The following OOSP1 variants were observed in gnomAD, a reference collection of about 807,000 sequenced individuals.
OOSP1 encodes putative oocyte-secreted protein 1 homolog.
Under a neutral mutation model 5.7 loss-of-function variants are expected in OOSP1, and 11 were observed. The ratio of observed to expected loss-of-function variants is 1.94; its 90% CI spans 1.22 to 3.20. The LOEUF (loss-of-function observed/expected upper bound fraction) is 3.20, where lower values mean the gene tolerates loss of function less well. Ranked by LOEUF, OOSP1 falls within the 30% of genes most tolerant of loss-of-function variation. The probability of loss-of-function intolerance (pLI) is 0.00; values close to 1 mark genes in which losing one functional copy is unlikely to be tolerated. For missense variants in OOSP1, 83 were observed against 54.1 expected (o/e 1.53, Z -1.67); for synonymous variants, 44 against 20.0 (o/e 2.20, Z -3.20).
chr11:59,956,278 C>A (rs144883820), intron 4 of OOSP1, among the ~76,000 whole-genome samples: 1 of 151,938 alleles, frequency 6.6e-6, no homozygotes, highest in East Asian at 1.9e-4. Flanking sequence ...AGCATGATAG[C>A]AATAGCAGTT....
At chr11:59,938,892 G>A (rs757767651) in intron 1 of OOSP1, among the ~76,000 whole-genome samples, 3 of 152,196 alleles carry the variant, frequency 2.0e-5, no homozygotes, top group Non-Finnish European at 2.9e-5. Flanking sequence ...ACTCTGTGGT[G>A]TGTCACATAC....
intron 4 of OOSP1, among the ~76,000 whole-genome samples, chr11:59,950,401 A>G (rs533870908): frequency 2.6e-5 from 4 of 152,356 alleles, no homozygotes; most frequent in African/African-American, 9.6e-5. Context: ...GTAAGATTGC[A>G]TGAGTTCAAA....
At chr11:59,957,147 CTGTAA>C (rs1854001081) in intron 4 of OOSP1, 43 bp from the exon 5 acceptor site, 1 of 396,550 alleles carries the variant, frequency 2.5e-6, no homozygotes, top group African/African-American at 2.1e-5. Context: ...AAAAATTTAA[CTGTAA>C]TGTAATTGAT....
intron 3 of OOSP1, among the ~76,000 whole-genome samples, chr11:59,946,967 CT>C (rs1313973915): frequency 6.8e-6 from 1 of 146,548 alleles, no homozygotes; most frequent in African/African-American, 2.5e-5. Flanking sequence ...ATCTATCTAT[CT>C]GTCTATCTAC....
At chr11:59,947,838 C>A in exon 4 of OOSP1, 1 of 398,842 alleles carries the variant, frequency 2.5e-6, no homozygotes, top group Non-Finnish European at 4.4e-6. Context: ...AAGACATGGG[C>A]AGTAACTTCT....
At chr11:59,938,481 G>A in exon 1 of OOSP1, 1 of 627,878 alleles carries the variant, frequency 1.6e-6, no homozygotes, top group Non-Finnish European at 2.9e-6. Context: ...GGTTCAAAGG[G>A]CTCTTTTATC....
chr11:59,948,583 C>T lies in OOSP1; in HGVS notation c.486+721C>T, dbSNP rs535171674. ...CTTCTCCTCCCTTACCTCCCACTTA[C>T]ACCTTCTCCTTCATTTCCATACATA... On this transcript the variant is annotated intron_variant, in intron 4 of 4. Coordinates refer to ENST00000646685, the Ensembl canonical transcript of OOSP1. 2.2e-4 allele frequency: 85 copies of T among 393,108 alleles called. 1 individual carries two copies. The South Asian group carries it at 0.011, about 50-fold the overall frequency. The allele number at this position is 393,108 out of a possible 1,614,324, so 24.4% of individuals were successfully genotyped here.
intron 4 of OOSP1, among the ~76,000 whole-genome samples, chr11:59,952,733 ACTAT>A (rs1482875550): frequency 6.6e-6 from 1 of 152,126 alleles, no homozygotes; most frequent in Non-Finnish European, 1.5e-5. Flanking sequence ...AGAATTCACC[ACTAT>A]CTAATTCATC....
Position 59,944,365 on chromosome 11 carries a change from G to A in OOSP1, c.259-804G>A, listed in dbSNP as rs572147567. On this transcript the variant is annotated intron_variant, in intron 2 of 4. Coordinates refer to ENST00000646685, the Ensembl canonical transcript of OOSP1. ...CAACCTTGATATAAACTGCGGGGGG[G>A]GGGCAGGGAATATTCAAATGTTAAC... Among the ~76,000 whole-genome samples, 998 of 142,954 alleles carry A rather than the reference G, an allele frequency of 7.0e-3. 16 individuals are homozygous for A. The highest frequency in any genetic ancestry group is 0.024 in the African/African-American group (928 of 39,282). The allele number at this position is 142,954 out of a possible 152,430, so 93.8% of individuals were successfully genotyped here. A position where few individuals can be genotyped will look rare whatever the true frequency, so the allele number is the denominator to read the frequency against.
At chr11:59,949,806 C>A (rs565646302) in intron 4 of OOSP1, among the ~76,000 whole-genome samples, 9 of 152,242 alleles carry the variant, frequency 5.9e-5, no homozygotes, top group Middle Eastern at 6.8e-3. Flanking sequence ...CAAGAGGAAG[C>A]AGCGACTGAA....
At chr11:59,939,940 A>G (rs1198859471) in intron 1 of OOSP1, among the ~76,000 whole-genome samples, 1 of 152,066 alleles carries the variant, frequency 6.6e-6, no homozygotes, top group Non-Finnish European at 1.5e-5. Context: ...GAGACTTGCT[A>G]TGTTGCCCAG....
At chr11:59,953,112 C>T (rs1853957350) in intron 4 of OOSP1, among the ~76,000 whole-genome samples, 1 of 152,020 alleles carries the variant, frequency 6.6e-6, no homozygotes, top group African/African-American at 2.4e-5. Flanking sequence ...TTTGATTTTC[C>T]TTCTGCCTAT....
At chr11:59,948,793 CA>C (rs1332323966) in intron 4 of OOSP1, 1 of 397,962 alleles carries the variant, frequency 2.5e-6, no homozygotes, top group Non-Finnish European at 4.4e-6. Context: ...TATTGAGAGG[CA>C]ATTTGGAATC....
chr11:59,940,382 T>G (rs1461605971), intron 1 of OOSP1, among the ~76,000 whole-genome samples: 1 of 152,208 alleles, frequency 6.6e-6, no homozygotes, highest in South Asian at 2.1e-4. Flanking sequence ...TTCTCTTCCC[T>G]CTTTGCCCAT....
At chr11:59,938,484 C>G in exon 1 of OOSP1, 1 of 628,310 alleles carries the variant, frequency 1.6e-6, no homozygotes, top group East Asian at 3.0e-5. Flanking sequence ...TCAAAGGGCT[C>G]TTTTATCTGC....
chr11:59,954,016 A>G (rs1853966048), intron 4 of OOSP1, among the ~76,000 whole-genome samples: 2 of 152,302 alleles, frequency 1.3e-5, no homozygotes, highest in South Asian at 2.1e-4. Flanking sequence ...CCCATTTTAC[A>G]CCTAGGCTAT....
At chr11:59,956,058 T>A (rs1590895148) in intron 4 of OOSP1, among the ~76,000 whole-genome samples, 1 of 152,196 alleles carries the variant, frequency 6.6e-6, no homozygotes, top group East Asian at 1.9e-4. Context: ...AATGGACTAG[T>A]ACACCAATCT....
intron 4 of OOSP1, among the ~76,000 whole-genome samples, chr11:59,955,531 G>A (rs1853986939): frequency 6.6e-6 from 1 of 151,976 alleles, no homozygotes; most frequent in Non-Finnish European, 1.5e-5. Context: ...TAATTATGTT[G>A]TATCATAGAA....
At chr11:59,956,204 T>C (rs1459756958) in intron 4 of OOSP1, among the ~76,000 whole-genome samples, 1 of 149,004 alleles carries the variant, frequency 6.7e-6, no homozygotes, top group African/African-American at 2.6e-5. Flanking sequence ...CTTCTTCTTT[T>C]TTTTTTTAAA....
Sources: gnomAD v4.1 joint callset for allele counts (sites outside exome capture counted in the v4.1 genomes callset) on GRCh38, gnomAD v4.1.1 for gene constraint, MANE v1.5 for transcripts, NCBI Gene and HGNC (gene_info 2026-07-23, HGNC 2026-07-21) for gene names.